Variants in C1orf146 observed in about 807,000 individuals in gnomAD.
The protein encoded by C1orf146 is protein SPO16 homolog.
A neutral mutation model predicts 23.0 loss-of-function variants in C1orf146; 22 were observed. The ratio of observed to expected loss-of-function variants is 0.96; its 90% CI spans 0.68 to 1.36. C1orf146 has a LOEUF of 1.36. Among genes scored for constraint, C1orf146 ranks in the 40% most tolerant of loss-of-function variants. C1orf146 has a pLI of 0.00. For missense variants in C1orf146, 199 were observed against 206.8 expected (o/e 0.96, Z 0.23); for synonymous variants, 59 against 65.3 (o/e 0.90, Z 0.47).
At chr1:92,234,660 T>C (rs1652228421) in intron 2 of C1orf146, among the ~76,000 whole-genome samples, 1 of 152,238 alleles carries the variant, frequency 6.6e-6, no homozygotes, top group Admixed American at 6.5e-5. Flanking sequence ...CTTTTTCTAT[T>C]GATTGGAATA....
chr1:92,227,538 C>G (rs1651998404), intron 1 of C1orf146, among the ~76,000 whole-genome samples: 1 of 151,484 alleles, frequency 6.6e-6, no homozygotes, highest in African/African-American at 2.4e-5. Context: ...GACTCCATCT[C>G]AAAAAAAATA....
chr1:92,231,950 T>C (rs996142987), intron 2 of C1orf146, among the ~76,000 whole-genome samples: 1 of 152,118 alleles, frequency 6.6e-6, no homozygotes, highest in African/African-American at 2.4e-5. Context: ...ACTCCTCAGC[T>C]CACAAGACTT....
intron 1 of C1orf146, among the ~76,000 whole-genome samples, chr1:92,225,700 G>A (rs920956234): frequency 2.0e-5 from 3 of 151,812 alleles, no homozygotes; most frequent in African/African-American, 7.3e-5. Flanking sequence ...AATATATAAG[G>A]AATGTATGTA....
At chr1:92,223,346 C>G (rs1486769412) in intron 1 of C1orf146, among the ~76,000 whole-genome samples, 1 of 152,072 alleles carries the variant, frequency 6.6e-6, no homozygotes, top group Non-Finnish European at 1.5e-5. Context: ...TAAATTTTAG[C>G]CATTATAATA....
At chr1:92,242,407 G>T in intron 3 of C1orf146, 102 bp downstream of exon 3, 1 of 576,112 alleles carries the variant, frequency 1.7e-6, no homozygotes, top group Non-Finnish European at 2.9e-6. Flanking sequence ...TTATCTTTTG[G>T]GAAGGGTAAA....
chr1:92,235,740 C>T (rs943934634), intron 2 of C1orf146, among the ~76,000 whole-genome samples: 23 of 152,000 alleles, frequency 1.5e-4, no homozygotes, highest in South Asian at 2.1e-4. Flanking sequence ...AGTGTGTGGG[C>T]GTCTAAGTCT....
intron 1 of C1orf146, among the ~76,000 whole-genome samples, chr1:92,220,848 A>G (rs868591744): frequency 2.3e-4 from 35 of 152,364 alleles, no homozygotes; most frequent in Middle Eastern, 6.8e-3. Flanking sequence ...GCATTCTTGT[A>G]TAAGTCTCTT....
intron 1 of C1orf146, among the ~76,000 whole-genome samples, chr1:92,221,712 T>C (rs1199974493): frequency 6.6e-6 from 1 of 152,222 alleles, no homozygotes; most frequent in African/African-American, 2.4e-5. Flanking sequence ...AGGGATTAGT[T>C]TTGCTTTCTT....
At chr1:92,224,012 T>TTTTA (rs146799961) in intron 1 of C1orf146, among the ~76,000 whole-genome samples, 3,003 of 133,326 alleles carry the variant, frequency 0.023, 45 homozygotes, top group East Asian at 0.047. Flanking sequence ...TGTTGTTTTA[T>TTTTA]TTTATTTATT....
At position 92,245,786 on chromosome 1, in the gene C1orf146, T is replaced by C. The variant is rs1428615867; in HGVS notation, c.*112T>C. ...TATATTAATTTGAAATAATAACATA[T>C]ACAATTAAAAGTGATTTTATTTTAG... is the stretch of plus-strand genomic sequence containing the variant. On this transcript the variant is annotated 3_prime_UTR_variant, in exon 6 of 6. Transcript: ENST00000370375. 9 of 680,040 alleles carry C rather than the reference T, an allele frequency of 1.3e-5. No homozygotes were observed. In the East Asian group the frequency reaches 1.9e-4, roughly 15 times the overall value. 42.1% of individuals were successfully genotyped at this position (680,040 alleles called of 1,614,324 possible).
At chr1:92,235,409 G>A (rs1178424379) in intron 2 of C1orf146, among the ~76,000 whole-genome samples, 1 of 152,152 alleles carries the variant, frequency 6.6e-6, no homozygotes, top group Non-Finnish European at 1.5e-5. Context: ...TTTCCATGTA[G>A]TTGAGCAGTT....
intron 1 of C1orf146, among the ~76,000 whole-genome samples, chr1:92,229,841 G>C (rs12406749): frequency 0.39 from 58,617 of 151,808 alleles, 12,016 homozygotes; most frequent in African/African-American, 0.49. Flanking sequence ...AAAGAAAAAA[G>C]TAATAGGAAA....
intron 1 of C1orf146, among the ~76,000 whole-genome samples, chr1:92,230,056 T>C (rs1652073205): frequency 8.2e-6 from 1 of 122,296 alleles, no homozygotes; most frequent in Non-Finnish European, 1.7e-5. Flanking sequence ...GTTGCCACTG[T>C]ATGGTGCATT....
chr1:92,245,734 A>T lies in C1orf146; in HGVS notation c.*60A>T. Reference sequence around the variant, plus strand: ...AAATAATTAGACCTGTTAAATTATAATATTCAAATATCTATTTAAAGACAT... The same window carrying T: ...AAATAATTAGACCTGTTAAATTATATTATTCAAATATCTATTTAAAGACAT... On this transcript the variant is annotated 3_prime_UTR_variant, in exon 6 of 6. Transcript: ENST00000370375. 2 of 975,716 alleles carry T rather than the reference A, an allele frequency of 2.0e-6. No individual in the cohort carries two copies. Among genetic ancestry groups the T allele is most frequent in the Non-Finnish European group, 3.0e-6 (2 of 669,526 alleles). The allele number at this position is 975,716 out of a possible 1,614,324, so 60.4% of individuals were successfully genotyped here. A position where few individuals can be genotyped will look rare whatever the true frequency, so the allele number is the denominator to read the frequency against.
intron 2 of C1orf146, among the ~76,000 whole-genome samples, chr1:92,234,322 G>C (rs796397957): frequency 1.3e-4 from 19 of 144,230 alleles, no homozygotes; most frequent in African/African-American, 2.3e-4. Context: ...TAGCATGAAG[G>C]GTTGTTGAAT....
At chr1:92,221,860 C>T (rs999971606) in intron 1 of C1orf146, among the ~76,000 whole-genome samples, 10 of 152,334 alleles carry the variant, frequency 6.6e-5, no homozygotes, top group African/African-American at 2.4e-4. Flanking sequence ...TGGTGTTGGA[C>T]TCCTGTACTT....
chr1:92,236,127 A>G (rs1163907020), intron 2 of C1orf146, among the ~76,000 whole-genome samples: 1 of 151,512 alleles, frequency 6.6e-6, no homozygotes, highest in Non-Finnish European at 1.5e-5. Context: ...TAATATTGTT[A>G]TGTGTGAATT....
chr1:92,218,265 G>C (rs1197224800), intron 1 of C1orf146, among the ~76,000 whole-genome samples: 2 of 152,070 alleles, frequency 1.3e-5, no homozygotes, highest in Non-Finnish European at 2.9e-5. Context: ...TCAGAAGTCC[G>C]TCACCCACCT....
At chr1:92,229,504 T>G (rs1652057087) in intron 1 of C1orf146, 1 of 440,230 alleles carries the variant, frequency 2.3e-6, no homozygotes, top group Admixed American at 2.8e-5. Flanking sequence ...TTGTCCCCAT[T>G]CTGGACCTGA....
Sources: gnomAD v4.1 joint callset for allele counts (sites outside exome capture counted in the v4.1 genomes callset) on GRCh38, gnomAD v4.1.1 for gene constraint, MANE v1.5 for transcripts, NCBI Gene and HGNC (gene_info 2026-07-23, HGNC 2026-07-21) for gene names.